Variants in BRAF observed in about 807,000 individuals in gnomAD.
BRAF encodes B-Raf proto-oncogene, serine/threonine kinase.
A neutral mutation model predicts 104.6 loss-of-function variants in BRAF; 16 were observed. That is an observed-to-expected ratio of 0.15 (90% CI 0.10 to 0.23). The LOEUF (loss-of-function observed/expected upper bound fraction) is 0.23, where lower values mean the gene tolerates loss of function less well. BRAF is among the 10% of genes least tolerant of loss of function. The probability of loss-of-function intolerance (pLI) is 1.00; values close to 1 mark genes in which losing one functional copy is unlikely to be tolerated. For missense variants in BRAF, 541 were observed against 937.3 expected (o/e 0.58, Z 5.52); for synonymous variants, 310 against 341.6 (o/e 0.91, Z 1.02).
At chr7:140,855,166 CTT>C (rs1251860540) in intron 1 of BRAF, among the ~76,000 whole-genome samples, 2 of 151,750 alleles carry the variant, frequency 1.3e-5, no homozygotes, top group Non-Finnish European at 2.9e-5. Flanking sequence ...TTTGATGACT[CTT>C]ATAAAATAGA....
intron 19 of BRAF, among the ~76,000 whole-genome samples, chr7:140,727,220 G>C (rs955757734): frequency 3.6e-5 from 4 of 110,468 alleles, no homozygotes; most frequent in African/African-American, 6.9e-5. Context: ...TTTTGCTTTT[G>C]TTGCCCAGGC....
At chr7:140,763,462 G>A (rs1195523685) in intron 14 of BRAF, among the ~76,000 whole-genome samples, 3 of 152,198 alleles carry the variant, frequency 2.0e-5, no homozygotes, top group African/African-American at 7.2e-5. Flanking sequence ...TGGGCGGGGG[G>A]CTGACCCCCC....
At chr7:140,910,090 A>G (rs1816802602) in intron 1 of BRAF, among the ~76,000 whole-genome samples, 1 of 152,160 alleles carries the variant, frequency 6.6e-6, no homozygotes, top group South Asian at 2.1e-4. Flanking sequence ...AATACCTCCG[A>G]GTATTTCATC....
At chr7:140,797,968 GAACAC>G (rs1802661747) in intron 7 of BRAF, among the ~76,000 whole-genome samples, 1 of 152,186 alleles carries the variant, frequency 6.6e-6, no homozygotes, top group Admixed American at 6.5e-5. Context: ...CCTGACAAGA[GAACAC>G]AACGGCTGCA....
At chr7:140,811,923 AAACTT>A (rs1359410405) in intron 3 of BRAF, among the ~76,000 whole-genome samples, 10 of 152,158 alleles carry the variant, frequency 6.6e-5, no homozygotes, top group Admixed American at 3.9e-4. Flanking sequence ...CAGAAATAAT[AAACTT>A]AAGTGAAAGC....
At chr7:140,794,011 G>T (rs894872695) in intron 8 of BRAF, among the ~76,000 whole-genome samples, 2 of 152,112 alleles carry the variant, frequency 1.3e-5, no homozygotes, top group African/African-American at 4.8e-5. Flanking sequence ...TCTGTCAAGG[G>T]CTTCTATCAG....
intron 14 of BRAF, among the ~76,000 whole-genome samples, chr7:140,767,409 TG>T (rs1202650808): frequency 6.6e-6 from 1 of 152,212 alleles, no homozygotes; most frequent in Middle Eastern, 3.4e-3. Context: ...GGTAAGGGGA[TG>T]GAATCTAGTG....
At chr7:140,746,971 A>AC (rs1431199613) in intron 17 of BRAF, among the ~76,000 whole-genome samples, 2 of 152,198 alleles carry the variant, frequency 1.3e-5, no homozygotes, top group African/African-American at 4.8e-5. Flanking sequence ...AAAATCTGCC[A>AC]CCTCAGACTA....
rs1818701129 is a variant in BRAF at position 140,924,767 on chromosome 7, G to A, written c.-64C>T. 5 of 618,128 alleles carry A rather than the reference G, an allele frequency of 8.1e-6. No homozygotes were observed. The highest frequency in any genetic ancestry group is 2.9e-5 in the Admixed American group (1 of 34,534). The allele number at this position is 618,128 out of a possible 1,614,324, so 38.3% of individuals were successfully genotyped here. A position where few individuals can be genotyped will look rare whatever the true frequency, so the allele number is the denominator to read the frequency against. On this transcript the variant is annotated 5_prime_UTR_variant, in exon 1 of 20. Coordinates refer to ENST00000644969, the MANE Select transcript of BRAF (RefSeq NM_001374258.1). The surrounding 1 kb of genome is among the most constrained non-coding windows in gnomAD (Gnocchi z 4.2). ...GGCGGGGAGGGGGAAGGGAGGCGGA[G>A]AGCTGGGGGAGGCGGAGGCGGAGGC...
At chr7:140,748,702 G>C (rs140260174) in intron 17 of BRAF, among the ~76,000 whole-genome samples, 78 of 152,242 alleles carry the variant, frequency 5.1e-4, no homozygotes, top group Non-Finnish European at 9.3e-4. Context: ...GGCAGAGATA[G>C]AAAAGGCTAA....
chr7:140,920,735 GGAGT>G (rs1266252799), intron 1 of BRAF, among the ~76,000 whole-genome samples: 3 of 152,152 alleles, frequency 2.0e-5, no homozygotes, highest in East Asian at 1.9e-4. Flanking sequence ...AACAGAAAAA[GGAGT>G]GAGTGGATGC....
chr7:140,878,781 G>A (rs1197290601), intron 1 of BRAF, among the ~76,000 whole-genome samples: 2 of 152,156 alleles, frequency 1.3e-5, no homozygotes, highest in Non-Finnish European at 2.9e-5. Flanking sequence ...TTAAGGTGAT[G>A]GGTATCCCAA....
intron 19 of BRAF, chr7:140,734,456 T>C (rs1585930043): frequency 6.4e-7 from 1 of 1,563,508 alleles, no homozygotes; most frequent in South Asian, 1.2e-5. Flanking sequence ...AAAAATTATA[T>C]CTAGTCTTTA....
chr7:140,748,015 A>T (rs997784067), intron 17 of BRAF, among the ~76,000 whole-genome samples: 2 of 152,218 alleles, frequency 1.3e-5, no homozygotes, highest in Non-Finnish European at 2.9e-5. Context: ...ACCAACTAAA[A>T]TTTAGTTTTA....
intron 7 of BRAF, chr7:140,799,996 C>T (rs1802918414): frequency 5.0e-6 from 2 of 403,162 alleles, no homozygotes; most frequent in Admixed American, 3.9e-5. Flanking sequence ...AAATATCTGA[C>T]TGGTGTGATA....
At chr7:140,910,920 C>T (rs1200447174) in intron 1 of BRAF, among the ~76,000 whole-genome samples, 1 of 152,164 alleles carries the variant, frequency 6.6e-6, no homozygotes, top group Non-Finnish European at 1.5e-5. Flanking sequence ...CCGCCTCAGC[C>T]TCCCATATTG....
chr7:140,754,041 A>T, intron 15 of BRAF, 146 bp downstream of exon 14: 1 of 827,922 alleles, frequency 1.2e-6, no homozygotes, highest in Non-Finnish European at 2.0e-6. Context: ...CTGCTCTCCT[A>T]TACATGCATG....
In BRAF at chr7:140,822,472, A is replaced by G. The variant is rs1039216881; in HGVS notation, c.504+12137T>C. 3.3e-5 allele frequency: 5 copies of G among 152,228 alleles called. No individual in the cohort carries two copies. The East Asian group carries it at 5.8e-4, about 18-fold the overall frequency. The allele number at this position is 152,228 out of a possible 1,614,324, so 9.4% of individuals were successfully genotyped here. A position where few individuals can be genotyped will look rare whatever the true frequency, so the allele number is the denominator to read the frequency against. On this transcript the variant is annotated intron_variant, in intron 3 of 19. Coordinates refer to ENST00000644969, the MANE Select transcript of BRAF (RefSeq NM_001374258.1). ...ATAGTCCTGTGCCCAGGCAAATACA[A>G]ATCTGTTGTCACTATAGAAGAGTTT...
chr7:140,746,110 C>T (rs907474443), intron 17 of BRAF, among the ~76,000 whole-genome samples: 4 of 152,172 alleles, frequency 2.6e-5, no homozygotes, highest in Non-Finnish European at 5.9e-5. Flanking sequence ...GCCCAACCTA[C>T]AGATTCATAT....
Sources: gnomAD v4.1 joint callset for allele counts (sites outside exome capture counted in the v4.1 genomes callset) on GRCh38, gnomAD v4.1.1 for gene constraint, Gnocchi (gnomAD v3.1) non-coding constraint, MANE v1.5 for transcripts, NCBI Gene and HGNC (gene_info 2026-07-23, HGNC 2026-07-21) for gene names.